The following ZNF730 variants were observed in gnomAD, a reference collection of about 807,000 sequenced individuals.
ZNF730 encodes the protein zinc finger protein 730, also known as putative zinc finger protein 730.
Under a neutral mutation model 12.6 loss-of-function variants are expected in ZNF730, and 12 were observed. The observed-to-expected ratio is 0.95, with a 90% CI of 0.61 to 1.54. The LOEUF is 1.54. ZNF730 is among the 40% of genes most tolerant of loss of function. The pLI, the probability that ZNF730 is intolerant of heterozygous loss-of-function variation, is 0.00. For synonymous variants in ZNF730, 194 were observed against 195.8 expected (o/e 0.99, Z 0.08); for missense variants, 643 against 583.5 (o/e 1.10, Z -1.05).
In ZNF730 at chr19:23,117,288, C is replaced by G. The variant is rs1354381715; in HGVS notation, c.3+112C>G. On this transcript the variant is annotated intron_variant, in intron 1 of 3. Transcript: ENST00000597761. ...CCGCAGTCAGCTTCACAATCTGCGC[C>G]CAGAGTTCTTGCCCAGCTCGGCCTC... 29 of 1,585,076 alleles carry G rather than the reference C, an allele frequency of 1.8e-5. No individual in the cohort carries two copies. In the Middle Eastern group the frequency reaches 5.0e-4, roughly 28 times the overall value.
Position 23,145,359 on chromosome 19 carries a change from A to G in ZNF730, c.315A>G (p.Lys105=). 1 of 1,595,324 alleles carries G rather than the reference A, an allele frequency of 6.3e-7. No individual in the cohort carries two copies. Among genetic ancestry groups the G allele is most frequent in the Non-Finnish European group, 8.5e-7 (1 of 1,171,586 alleles). ...FQEVILRQYK[K]CRHENLLLRK... is the part of the protein sequence containing the mutation. Reference sequence around the variant, plus strand: ...AAGTCATACTGAGACAATATAAAAAATGTAGACATGAGAATTTACTGTTAA... The same window carrying G: ...AAGTCATACTGAGACAATATAAAAAGTGTAGACATGAGAATTTACTGTTAA... The change falls in exon 4 of 4, where the codon AAA becomes AAG. Residue 105 remains lysine, a synonymous_variant. Transcript: ENST00000597761.
intron 3 of ZNF730, among the ~76,000 whole-genome samples, chr19:23,144,836 C>G (rs1970980129): frequency 6.6e-6 from 1 of 151,788 alleles, no homozygotes; most frequent in Admixed American, 6.6e-5. Context: ...GCCACCATTT[C>G]TTTCAGAACT....
intron 1 of ZNF730, among the ~76,000 whole-genome samples, chr19:23,084,986 A>T (rs919368701): frequency 2.6e-4 from 39 of 152,180 alleles, no homozygotes; most frequent in African/African-American, 9.4e-4. Flanking sequence ...CCCAGTAATG[A>T]AATTACTGGT....
At chr19:23,114,305 C>CTTTTTTTTTTTTTT (rs869304180), upstream of ZNF730, among the ~76,000 whole-genome samples, 118 of 103,488 alleles carry the variant, frequency 1.1e-3, 4 homozygotes, top group East Asian at 5.1e-3. Context: ...TTTTTCTTTT[C>CTTTTTTTTTTTTTT]TTTTTTTTTT....
rs181770749 is a variant in ZNF730 at position 23,084,587 on chromosome 19, T to C, written c.-94+9200T>C. ...ATTAAGCCTAAGTACCCATTAGTTATTTTTCCTGATCCTTTTCCTCCTCCA... is the reference window on the plus strand; with the variant it reads ...ATTAAGCCTAAGTACCCATTAGTTACTTTTCCTGATCCTTTTCCTCCTCCA... On this transcript the variant is annotated intron_variant, in intron 1 of 2. Coordinates refer to the ZNF730 transcript ENST00000593635. 4.1e-3 allele frequency among the ~76,000 whole-genome samples: 625 copies of C among 152,350 alleles called. 5 individuals are homozygous for C. The highest frequency in any genetic ancestry group is 7.8e-3 in the Non-Finnish European group (530 of 68,032).
intron 2 of ZNF730, 51 bp from the exon 3 acceptor site, chr19:23,135,897 G>C (rs780192924): frequency 1.1e-5 from 17 of 1,480,646 alleles, no homozygotes; most frequent in Non-Finnish European, 1.5e-5. Flanking sequence ...GCATTACTAA[G>C]TTGGTAATTG....
At chr19:23,144,225 T>C (rs1488890718) in intron 3 of ZNF730, 2 of 152,168 alleles carry the variant, frequency 1.3e-5, no homozygotes, top group Admixed American at 6.5e-5. Flanking sequence ...TAATCTTTAA[T>C]TGAGATTTGG....
chr19:23,081,871 G>C (rs1238358030), intron 1 of ZNF730, among the ~76,000 whole-genome samples: 1 of 152,106 alleles, frequency 6.6e-6, no homozygotes, highest in Non-Finnish European at 1.5e-5. Context: ...TTCCACCTCA[G>C]CTTCCCTAGT....
chr19:23,081,898 A>G (rs983585383), intron 1 of ZNF730, among the ~76,000 whole-genome samples: 3 of 152,272 alleles, frequency 2.0e-5, no homozygotes, highest in South Asian at 4.1e-4. Context: ...GGCTACAAAA[A>G]TATGCCACCA....
chr19:23,092,980 G>GC (rs1555712130), intron 1 of ZNF730, among the ~76,000 whole-genome samples: 2 of 151,980 alleles, frequency 1.3e-5, no homozygotes, highest in African/African-American at 2.4e-5. Context: ...CTCCTCAATT[G>GC]TTTTTTTGTT....
At chr19:23,081,290 A>G (rs1453443189) in intron 1 of ZNF730, among the ~76,000 whole-genome samples, 2 of 151,066 alleles carry the variant, frequency 1.3e-5, no homozygotes, top group Non-Finnish European at 2.9e-5. Context: ...GATTACAGGC[A>G]TTTGCCACCA....
chr19:23,099,869 C>A (rs1970309073), intron 1 of ZNF730, among the ~76,000 whole-genome samples: 1 of 152,148 alleles, frequency 6.6e-6, no homozygotes, highest in Admixed American at 6.5e-5. Flanking sequence ...GGGACCCAGA[C>A]CTTTGGTAAT....
At chr19:23,106,536 A>C (rs1017741483) in intron 1 of ZNF730, among the ~76,000 whole-genome samples, 108 of 152,174 alleles carry the variant, frequency 7.1e-4, no homozygotes, top group Admixed American at 1.8e-3. Context: ...TCATGCCTGT[A>C]ATCCCAGCAT....
At chr19:23,136,213 G>A (rs1334504919) in intron 3 of ZNF730, 170 bp downstream of exon 3, 1 of 400,148 alleles carries the variant, frequency 2.5e-6, no homozygotes, top group African/African-American at 2.1e-5. Context: ...TCACATAGAA[G>A]CATCTTTTGT....
chr19:23,091,319 A>C (rs567138382), intron 1 of ZNF730, among the ~76,000 whole-genome samples: 22 of 152,230 alleles, frequency 1.4e-4, no homozygotes, highest in African/African-American at 5.1e-4. Context: ...CCTCATGGAG[A>C]ACCTCTGCTA....
chr19:23,096,700 CA>C (rs1970257515), intron 1 of ZNF730, among the ~76,000 whole-genome samples: 1 of 152,206 alleles, frequency 6.6e-6, no homozygotes, highest in Non-Finnish European at 1.5e-5. Context: ...GGGCCCTCCC[CA>C]CAAGGGGTAC....
upstream of ZNF730, among the ~76,000 whole-genome samples, chr19:23,112,685 T>C (rs1970472859): frequency 6.6e-6 from 1 of 150,526 alleles, no homozygotes; most frequent in Admixed American, 6.6e-5. Flanking sequence ...ATCGCGCCAC[T>C]ACCCTCCAGG....
intron 1 of ZNF730, among the ~76,000 whole-genome samples, chr19:23,084,086 T>C (rs1386213843): frequency 6.6e-6 from 1 of 152,196 alleles, no homozygotes; most frequent in East Asian, 1.9e-4. Context: ...CATCTTGAGT[T>C]GATTTTTGTA....
Position 23,133,920 on chromosome 19 carries a change from C to T in ZNF730, c.4-160C>T, listed in dbSNP as rs115958099. 9.4e-3 allele frequency among the ~76,000 whole-genome samples: 1,435 copies of T among 152,230 alleles called. 29 individuals are homozygous for T. The highest frequency in any genetic ancestry group is 0.034 in the African/African-American group (1,396 of 41,556). ...TTTTCTCAGAGTTAGAGTATATTTT[C>T]ACAGAGTAGAGAATATTTCTGTGTT... On this transcript the variant is annotated intron_variant, in intron 1 of 3. Transcript: ENST00000597761.
Sources: gnomAD v4.1 joint callset for allele counts (sites outside exome capture counted in the v4.1 genomes callset) on GRCh38, gnomAD v4.1.1 for gene constraint, MANE v1.5 for transcripts, NCBI Gene and HGNC (gene_info 2026-07-23, HGNC 2026-07-21) for gene names.